Variants in CKAP5 observed in about 807,000 individuals in gnomAD.
CKAP5 encodes cytoskeleton-associated protein 5.
Under a neutral mutation model 232.8 loss-of-function variants are expected in CKAP5, and 27 were observed. That is an observed-to-expected ratio of 0.12 (90% CI 0.09 to 0.16). CKAP5 has a LOEUF of 0.16. CKAP5 is among the 10% of genes least tolerant of loss of function. The pLI, the probability that CKAP5 is intolerant of heterozygous loss-of-function variation, is 1.00. For missense variants in CKAP5, 1,838 were observed against 2,424.7 expected, an observed-to-expected ratio of 0.76 and a Z score of 5.08; for synonymous variants, 785 against 841.1, an observed-to-expected ratio of 0.93 and a Z score of 1.16.
chr11:46,786,790 G>A (rs538469431), intron 16 of CKAP5, among the ~76,000 whole-genome samples: 1 of 152,258 alleles, frequency 6.6e-6, no homozygotes, highest in African/African-American at 2.4e-5. Flanking sequence ...AAGTGCCTGA[G>A]TATCTCTGGC....
chr11:46,811,349 G>A (rs1939270317), intron 4 of CKAP5, among the ~76,000 whole-genome samples, 171 bp from the exon 5 acceptor site: 1 of 151,912 alleles, frequency 6.6e-6, no homozygotes, highest in South Asian at 2.1e-4. Context: ...TACCTACTAA[G>A]GTGTTGTTCT....
intron 1 of CKAP5, among the ~76,000 whole-genome samples, chr11:46,821,649 T>G (rs1939530676): frequency 6.6e-6 from 1 of 151,904 alleles, no homozygotes; most frequent in South Asian, 2.1e-4. Flanking sequence ...ACAGTCTCGA[T>G]CCTGACCTCG....
chr11:46,818,607 G>T, intron 2 of CKAP5, 104 bp from the exon 3 acceptor site: 1 of 821,790 alleles, frequency 1.2e-6, no homozygotes, highest in Non-Finnish European at 1.8e-6. Flanking sequence ...AATATCCTAT[G>T]TCAGGTAATG....
chr11:46,783,136 T>C, intron 18 of CKAP5, 138 bp downstream of exon 18: 1 of 505,096 alleles, frequency 2.0e-6, no homozygotes, highest in Non-Finnish European at 3.5e-6. Context: ...AGAACAAAGG[T>C]AATTTTCTTT....
chr11:46,797,157 G>C (rs1029685408), intron 11 of CKAP5, among the ~76,000 whole-genome samples: 1 of 152,060 alleles, frequency 6.6e-6, no homozygotes, highest in Non-Finnish European at 1.5e-5. Flanking sequence ...ACTTTGGGAG[G>C]CCAAGTTCGA....
chr11:46,838,863 T>TA (rs916244089), intron 1 of CKAP5, among the ~76,000 whole-genome samples: 9 of 117,664 alleles, frequency 7.6e-5, no homozygotes, highest in South Asian at 2.6e-4. Context: ...AATATAAAAA[T>TA]AAAAAAAAAT....
At chr11:46,765,639 C>CTGAG (rs1466538401) in intron 27 of CKAP5, among the ~76,000 whole-genome samples, 4 of 120,120 alleles carry the variant, frequency 3.3e-5, no homozygotes, top group African/African-American at 6.5e-5. Context: ...GAGTCTCACT[C>CTGAG]TGTCGCCCAG....
intron 1 of CKAP5, among the ~76,000 whole-genome samples, chr11:46,821,715 G>A (rs1244392085): frequency 6.6e-6 from 1 of 151,534 alleles, no homozygotes; most frequent in Admixed American, 6.6e-5. Flanking sequence ...GAGCCACCGC[G>A]CCCGGCCAAT....
chr11:46,834,948 G>A (rs1411158737), intron 1 of CKAP5, among the ~76,000 whole-genome samples: 10 of 151,048 alleles, frequency 6.6e-5, no homozygotes, highest in Non-Finnish European at 4.4e-5. Flanking sequence ...TGGGCCACAG[G>A]CATGCACCAC....
intron 36 of CKAP5, among the ~76,000 whole-genome samples, chr11:46,753,744 G>A (rs574769886): frequency 1.8e-4 from 28 of 151,654 alleles, no homozygotes; most frequent in Non-Finnish European, 2.1e-4. Flanking sequence ...CCACCACCAC[G>A]CTGGGCTAAT....
chr11:46,770,637 C>A, intron 25 of CKAP5, 151 bp downstream of exon 25: 1 of 662,642 alleles, frequency 1.5e-6, no homozygotes, highest in South Asian at 2.2e-5. Flanking sequence ...CCATGTTGGC[C>A]AGGCTGGTCT....
intron 42 of CKAP5, among the ~76,000 whole-genome samples, chr11:46,749,298 T>C (rs2065044940): frequency 6.6e-6 from 1 of 150,848 alleles, no homozygotes; most frequent in Non-Finnish European, 1.5e-5. Context: ...CCATTAAAAA[T>C]ACAAACATTA....
chr11:46,838,793 C>CAA (rs71042626), intron 1 of CKAP5, among the ~76,000 whole-genome samples: 2,589 of 45,854 alleles, frequency 0.056, 737 homozygotes, highest in African/African-American at 0.15. Flanking sequence ...GACCCCATCT[C>CAA]AAAAAAAAAA....
At chr11:46,748,192 G>A (rs923520046) in intron 42 of CKAP5, among the ~76,000 whole-genome samples, 2 of 152,090 alleles carry the variant, frequency 1.3e-5, no homozygotes, top group African/African-American at 4.8e-5. Context: ...GAAAGGGAGA[G>A]CCTCTGGAAA....
At chr11:46,776,477 G>T in intron 23 of CKAP5, 94 bp from the exon 24 acceptor site, 2 of 940,954 alleles carry the variant, frequency 2.1e-6, no homozygotes, top group Non-Finnish European at 1.5e-6. Context: ...ACAATGGAGG[G>T]TTATCTAAGG....
intron 38 of CKAP5, among the ~76,000 whole-genome samples, chr11:46,752,417 C>T (rs2065076521): frequency 6.6e-6 from 1 of 151,372 alleles, no homozygotes; most frequent in Non-Finnish European, 1.5e-5. Flanking sequence ...ATCTCCTCAA[C>T]TCAGCCTCCT....
intron 8 of CKAP5, among the ~76,000 whole-genome samples, chr11:46,804,356 A>C (rs1017468608): frequency 6.6e-6 from 1 of 152,202 alleles, no homozygotes; most frequent in Non-Finnish European, 1.5e-5. Context: ...GGGAAGATGG[A>C]GAAGTGTTTA....
rs376008545 is a variant in CKAP5, at chr11:46,811,102, C to T, written c.535G>A (p.Ala179Thr). 6.2e-7 allele frequency: 1 copy of T among 1,613,996 alleles called. No individual in the cohort carries two copies. Among genetic ancestry groups the T allele is most frequent in the South Asian group, 1.1e-5 (1 of 91,076 alleles). The change falls in exon 5 of 44, where the codon GCT becomes ACT. Residue 179 changes from alanine to threonine, a missense_variant. Coordinates refer to ENST00000529230, the MANE Select transcript of CKAP5 (RefSeq NM_001008938.4). ...ATTAGTTTGGCTTCATCTCGAACAG[C>T]CTTCTCTCGAGACTCAAAGAGTTTT... is the stretch of plus-strand genomic sequence containing the variant. ...LPKLFESREK[A>T]VRDEAKLIAV... is the part of the protein sequence containing the mutation.
chr11:46,788,529 G>A (rs2065418559), intron 16 of CKAP5, 152 bp downstream of exon 16: 10 of 528,714 alleles, frequency 1.9e-5, no homozygotes, highest in Middle Eastern at 5.3e-4. Flanking sequence ...AGCCAAGGTC[G>A]TGCCATTGCA....
Sources: gnomAD v4.1 joint callset for allele counts (sites outside exome capture counted in the v4.1 genomes callset) on GRCh38, gnomAD v4.1.1 for gene constraint, MANE v1.5 for transcripts, NCBI Gene and HGNC (gene_info 2026-07-23, HGNC 2026-07-21) for gene names.